The following TMEM131L variants were observed in gnomAD, a reference collection of about 807,000 sequenced individuals.
The protein encoded by TMEM131L is transmembrane 131 like.
TMEM131L carries 54 observed loss-of-function variants against 192.2 expected under a neutral mutation model. The observed-to-expected ratio is 0.28, with a 90% CI of 0.23 to 0.35. TMEM131L has a LOEUF of 0.35. Among genes scored for constraint, TMEM131L ranks in the 10% least tolerant of loss-of-function variants. The probability of loss-of-function intolerance (pLI) is 1.00; values close to 1 mark genes in which losing one functional copy is unlikely to be tolerated. For missense variants in TMEM131L, 1,888 were observed against 1,972.9 expected, an observed-to-expected ratio of 0.96 and a Z score of 0.82; for synonymous variants, 701 against 704.9, an observed-to-expected ratio of 0.99 and a Z score of 0.09.
chr4:153,627,558 T>TCGTGCAGAGGA lies in TMEM131L; in HGVS notation c.4125-39_4125-38insGGACGTGCAGA, dbSNP rs759178085. ...GTGGTTATACAATATCAGTATTTCCTCGTGCAGAAAAAATGAGTCGTTCCT... is the reference window on the plus strand; with the variant it reads ...GTGGTTATACAATATCAGTATTTCCTCGTGCAGAGGACGTGCAGAAAAAATGAGTCGTTCCT... On this transcript the variant is annotated intron_variant, in intron 30 of 34. Coordinates refer to ENST00000409959, the MANE Select transcript of TMEM131L (RefSeq NM_001131007.2). 4.7e-5 allele frequency: 68 copies of TCGTGCAGAGGA among 1,432,964 alleles called. No homozygotes were observed. In the Admixed American group the frequency reaches 7.4e-4, roughly 16 times the overall value. The allele number at this position is 1,432,964 out of a possible 1,614,324, so 88.8% of individuals were successfully genotyped here.
chr4:153,555,851 G>T lies in TMEM131L; in HGVS notation c.373G>T (p.Val125Leu). ...AYNPSRDSEV[V>L]VNSVFAAAGH... Reference sequence around the variant, plus strand: ...CAACCCTAGTAGGGACAGCGAGGTTGTGGTGAATTCAGTGTTTGCAGCTGC... The same window carrying T: ...CAACCCTAGTAGGGACAGCGAGGTTTTGGTGAATTCAGTGTTTGCAGCTGC... The change falls in exon 5 of 35, where the codon GTG becomes TTG. Residue 125 changes from valine (V) to leucine (L), a missense_variant. Coordinates refer to ENST00000409959, the MANE Select transcript of TMEM131L (RefSeq NM_001131007.2). The surrounding 1 kb of genome is among the most constrained non-coding windows in gnomAD (Gnocchi z 4.1). 7 of 1,551,742 alleles carry T rather than the reference G, an allele frequency of 4.5e-6. 1 individual carries two copies. Among genetic ancestry groups the T allele is most frequent in the South Asian group, 1.2e-5 (1 of 84,062 alleles).
At chr4:153,533,317 A>G (rs1736061192) in intron 3 of TMEM131L, among the ~76,000 whole-genome samples, 1 of 152,084 alleles carries the variant, frequency 6.6e-6, no homozygotes, top group African/African-American at 2.4e-5. Flanking sequence ...CACATTGGCC[A>G]CGTTCACCCC....
intron 3 of TMEM131L, among the ~76,000 whole-genome samples, chr4:153,520,473 A>C (rs1735033098): frequency 6.6e-6 from 1 of 152,154 alleles, no homozygotes; most frequent in South Asian, 2.1e-4. Flanking sequence ...TGTCTCTGAT[A>C]GATAAATACA....
At chr4:153,595,587 G>A (rs1371156) in intron 19 of TMEM131L, among the ~76,000 whole-genome samples, 41,475 of 151,796 alleles carry the variant, frequency 0.27, 6,029 homozygotes, top group Non-Finnish European at 0.34. Flanking sequence ...GCTCTAAGAA[G>A]TGATACATTG....
rs1338694825 is a variant in TMEM131L at position 153,602,712 on chromosome 4, C to G, written c.2624C>G (p.Thr875Arg). 1 of 1,613,836 alleles carries G rather than the reference C, an allele frequency of 6.2e-7. No individual in the cohort carries two copies. The highest frequency in any genetic ancestry group is 1.3e-5 in the African/African-American group (1 of 74,900). Residue 875 changes from threonine (T) to arginine (R), a missense_variant, in exon 23 of 35, where the codon ACG becomes AGG. By Grantham distance (71) the Thr-to-Arg change is moderately conservative (BLOSUM62 -1). Transcript: ENST00000409959. ...TGGGAGGAGTCATTTTGGAGGCTCA[C>G]GGTCTTCTTTGTCAGGTAAACCACT... is the stretch of plus-strand genomic sequence containing the variant. ...PSWEESFWRL[T>R]VFFVSLSLLG...
intron 8 of TMEM131L, among the ~76,000 whole-genome samples, chr4:153,581,192 TGCAGTGAGCC>T (rs929744217): frequency 1.3e-5 from 2 of 152,164 alleles, no homozygotes; most frequent in Non-Finnish European, 2.9e-5. Context: ...AGGCGGAGCT[TGCAGTGAGCC>T]GAGATCGCAC....
At chr4:153,550,584 C>T (rs1737544119) in intron 4 of TMEM131L, among the ~76,000 whole-genome samples, 1 of 152,186 alleles carries the variant, frequency 6.6e-6, no homozygotes, top group Non-Finnish European at 1.5e-5. Context: ...CCTCGGCCTC[C>T]CAAAGTGCTG....
intron 21 of TMEM131L, 24 bp downstream of exon 21, chr4:153,598,756 T>TG: frequency 6.5e-7 from 1 of 1,527,392 alleles, no homozygotes; most frequent in Non-Finnish European, 8.8e-7. Flanking sequence ...TGTGGCACTC[T>TG]GACAGGGGAG....
chr4:153,492,290 C>G (rs76446621), intron 3 of TMEM131L, among the ~76,000 whole-genome samples: 1 of 152,098 alleles, frequency 6.6e-6, no homozygotes, highest in African/African-American at 2.4e-5. Context: ...CTGGGATTAC[C>G]GGCATGAGCC....
chr4:153,486,863 G>A (rs1732373958), intron 3 of TMEM131L, among the ~76,000 whole-genome samples: 2 of 152,222 alleles, frequency 1.3e-5, no homozygotes. Flanking sequence ...TGCCTAAGTG[G>A]GAGGAAGGGA....
intron 4 of TMEM131L, among the ~76,000 whole-genome samples, chr4:153,551,695 A>G (rs1737634444): frequency 6.6e-6 from 1 of 152,136 alleles, no homozygotes; most frequent in Non-Finnish European, 1.5e-5. Context: ...AGCTTTTTAG[A>G]AAAAGATTCT....
intron 3 of TMEM131L, among the ~76,000 whole-genome samples, chr4:153,528,051 C>A (rs184559280): frequency 6.6e-6 from 1 of 152,254 alleles, no homozygotes; most frequent in Admixed American, 6.5e-5. Flanking sequence ...CCTTGTCCTG[C>A]GGAAAGGCAT....
At chr4:153,544,102 T>C (rs975914180) in intron 3 of TMEM131L, among the ~76,000 whole-genome samples, 2 of 151,652 alleles carry the variant, frequency 1.3e-5, no homozygotes, top group Non-Finnish European at 2.9e-5. Context: ...TTTTTGTTTT[T>C]GAAACACCCA....
intron 3 of TMEM131L, among the ~76,000 whole-genome samples, chr4:153,524,250 A>G (rs982626589): frequency 4.0e-5 from 6 of 150,878 alleles, no homozygotes; most frequent in African/African-American, 1.5e-4. Flanking sequence ...CTTCCAGGGC[A>G]TGTAGCCCAA....
chr4:153,609,054 CAGTG>C (rs1732437688), intron 25 of TMEM131L, among the ~76,000 whole-genome samples: 1 of 152,166 alleles, frequency 6.6e-6, no homozygotes, highest in Non-Finnish European at 1.5e-5. Context: ...CACTCTTACT[CAGTG>C]AGGTCATGGG....
chr4:153,621,586 C>G (rs1434577760), intron 27 of TMEM131L, 97 bp from the exon 28 acceptor site: 8 of 1,268,360 alleles, frequency 6.3e-6, no homozygotes, highest in South Asian at 4.1e-5. Context: ...GTCCCAGATT[C>G]ATATTTTCAC....
intron 3 of TMEM131L, among the ~76,000 whole-genome samples, chr4:153,522,025 C>CT (rs1162966970): frequency 6.6e-6 from 1 of 152,214 alleles, no homozygotes; most frequent in African/African-American, 2.4e-5. Flanking sequence ...GAGCCTGCAA[C>CT]TTAAAGCAGA....
At position 153,485,183 on chromosome 4, in the gene TMEM131L, G is replaced by C. The variant is rs183878884; in HGVS notation, c.239+11295G>C. On this transcript the variant is annotated intron_variant, in intron 3 of 34. Coordinates refer to ENST00000409959, the MANE Select transcript of TMEM131L (RefSeq NM_001131007.2). ...GAGAATTTAAATACTACTCACTGTTGATTCGTTTTTATTATGTTCCAAAAA... is the reference window on the plus strand; with the variant it reads ...GAGAATTTAAATACTACTCACTGTTCATTCGTTTTTATTATGTTCCAAAAA... 5.1e-3 allele frequency among the ~76,000 whole-genome samples: 741 copies of C among 146,706 alleles called. 4 individuals are homozygous for C. The highest frequency in any genetic ancestry group is 0.011 in the South Asian group (52 of 4,626).
chr4:153,561,803 C>T (rs551816031), intron 7 of TMEM131L, among the ~76,000 whole-genome samples: 1 of 152,176 alleles, frequency 6.6e-6, no homozygotes, highest in South Asian at 2.1e-4. Context: ...AGTTATTGAA[C>T]ATTATTTATT....
Sources: allele counts gnomAD v4.1 joint callset (sites outside exome capture counted in the v4.1 genomes callset), GRCh38; gene constraint gnomAD v4.1.1; non-coding constraint Gnocchi (gnomAD v3.1); transcripts MANE v1.5; gene names NCBI Gene and HGNC (gene_info 2026-07-23, HGNC 2026-07-21).